EBF1: variants seen among roughly 807,000 people sequenced by gnomAD.
The protein encoded by EBF1 is EBF transcription factor 1, also known as transcription factor COE1.
In EBF1, 10 loss-of-function variants were observed where a neutral mutation model predicts 68.4. The ratio of observed to expected loss-of-function variants is 0.15; its 90% CI spans 0.09 to 0.25. The LOEUF (loss-of-function observed/expected upper bound fraction) is 0.25. Ranked by LOEUF, EBF1 falls within the 10% of genes least tolerant of loss-of-function variation. EBF1 has a pLI of 1.00. For synonymous variants in EBF1, 298 were observed against 299.8 expected (o/e 0.99, Z 0.06); for missense variants, 509 against 794.4 (o/e 0.64, Z 4.32).
In EBF1 at chr5:158,990,647, A is replaced by G. The variant is rs966707420; in HGVS notation, c.554+82749T>C. Among the ~76,000 whole-genome samples the G allele has an allele frequency of 6.6e-5, 10 of 152,330 alleles. No homozygotes were observed. The East Asian group carries it at 1.5e-3, about 23-fold the overall frequency. On this transcript the variant is annotated intron_variant, in intron 6 of 15. Transcript: ENST00000313708. ...TCCAGCCCCAATTCAAGTAAAAACCAGCTGTGTGACCAAGCAAGTCCCTTA... is the reference window on the plus strand; with the variant it reads ...TCCAGCCCCAATTCAAGTAAAAACCGGCTGTGTGACCAAGCAAGTCCCTTA...
At chr5:158,934,649 T>C (rs1325339177) in intron 6 of EBF1, among the ~76,000 whole-genome samples, 4 of 152,230 alleles carry the variant, frequency 2.6e-5, no homozygotes, top group Non-Finnish European at 2.9e-5. Flanking sequence ...AGTCCAAACA[T>C]TTTTCCTCTG....
At chr5:158,899,244 T>C (rs1347754392) in intron 6 of EBF1, among the ~76,000 whole-genome samples, 1 of 152,232 alleles carries the variant, frequency 6.6e-6, no homozygotes, top group African/African-American at 2.4e-5. Context: ...ATACCACCAC[T>C]GGCACTGAAA....
intron 10 of EBF1, among the ~76,000 whole-genome samples, chr5:158,770,844 C>T (rs1773733555): frequency 6.6e-6 from 1 of 152,150 alleles, no homozygotes; most frequent in East Asian, 1.9e-4. Context: ...ATCAAAAGCG[C>T]TGTTTCTTTC....
intron 8 of EBF1, among the ~76,000 whole-genome samples, chr5:158,821,383 T>G (rs1290248169): frequency 6.6e-6 from 1 of 152,188 alleles, no homozygotes; most frequent in East Asian, 1.9e-4. Flanking sequence ...CTATGTTTGC[T>G]TTTGGTTTTT....
At chr5:159,032,269 T>G (rs185775095) in intron 6 of EBF1, among the ~76,000 whole-genome samples, 1 of 152,346 alleles carries the variant, frequency 6.6e-6, no homozygotes, top group Non-Finnish European at 1.5e-5. Context: ...TTATCTCCGT[T>G]GTACAAATGT....
At chr5:158,823,149 G>A (rs1161096360) in intron 8 of EBF1, 27 bp downstream of exon 8, 2 of 1,613,604 alleles carry the variant, frequency 1.2e-6, no homozygotes, top group Admixed American at 1.7e-5. Context: ...AAGTAGCAAT[G>A]CCAACCAATG....
chr5:158,986,548 G>T (rs973049135), intron 6 of EBF1: 1 of 152,198 alleles, frequency 6.6e-6, no homozygotes, highest in Non-Finnish European at 1.5e-5. Context: ...TATAAAAGCA[G>T]CCAGATATAT....
chr5:158,701,905 G>A (rs1006579561), intron 15 of EBF1, among the ~76,000 whole-genome samples: 1 of 152,124 alleles, frequency 6.6e-6, no homozygotes, highest in African/African-American at 2.4e-5. Flanking sequence ...TTCAAAAGAG[G>A]TTGTGATGTC....
chr5:159,001,103 T>A (rs980298840), intron 6 of EBF1, among the ~76,000 whole-genome samples: 38 of 152,196 alleles, frequency 2.5e-4, no homozygotes, highest in African/African-American at 8.7e-4. Context: ...ATGAGAATAC[T>A]GTATTCTATT....
At chr5:158,712,406 G>A in intron 13 of EBF1, 73 bp from the exon 14 acceptor site, 1 of 1,548,460 alleles carries the variant, frequency 6.5e-7, no homozygotes, top group South Asian at 1.2e-5. Context: ...CTCGGGGAAA[G>A]GAAGGTCTCT....
At chr5:158,788,612 T>C (rs6874808) in intron 9 of EBF1, among the ~76,000 whole-genome samples, 12,757 of 152,158 alleles carry the variant, frequency 0.084, 600 homozygotes, top group South Asian at 0.11. Flanking sequence ...GCCAACCTAG[T>C]GATCAGCAAT....
chr5:159,056,588 A>C lies in EBF1; in HGVS notation c.554+16808T>G, dbSNP rs1248306482. 6.6e-5 allele frequency among the ~76,000 whole-genome samples: 10 copies of C among 152,208 alleles called. No individual in the cohort carries two copies. In the East Asian group the frequency reaches 1.9e-3, roughly 29 times the overall value. Reference sequence around the variant, plus strand: ...ATGTGTGACAAACCTCTTCGGGCTTAGGCAAAACTGTACACAAAAGTGGTT... The same window carrying C: ...ATGTGTGACAAACCTCTTCGGGCTTCGGCAAAACTGTACACAAAAGTGGTT... On this transcript the variant is annotated intron_variant, in intron 6 of 15. Coordinates refer to ENST00000313708, the MANE Select transcript of EBF1 (RefSeq NM_024007.5).
At chr5:158,978,302 G>T (rs1451566682) in intron 6 of EBF1, among the ~76,000 whole-genome samples, 1 of 152,256 alleles carries the variant, frequency 6.6e-6, no homozygotes, top group East Asian at 1.9e-4. Flanking sequence ...GGCCCTGTCA[G>T]TCAGGGGCCA....
In EBF1 at chr5:158,718,702, T is replaced by C. The variant is rs1761275203; in HGVS notation, c.1126-4520A>G. 3.9e-5 allele frequency among the ~76,000 whole-genome samples: 6 copies of C among 152,274 alleles called. No homozygotes were observed. In the South Asian group the frequency reaches 1.2e-3, roughly 32 times the overall value. On this transcript the variant is annotated intron_variant, in intron 11 of 15. Transcript: ENST00000313708. ...AGCATGGATTCAACCCCAGGCCTGT[T>C]AGACATCAGAGCCTGGCTCTTGAAA...
chr5:158,852,837 G>A (rs1306012154), intron 6 of EBF1, among the ~76,000 whole-genome samples: 3 of 152,120 alleles, frequency 2.0e-5, no homozygotes, highest in Non-Finnish European at 4.4e-5. Context: ...GTAGCTCACA[G>A]GTCACTCGCT....
intron 6 of EBF1, among the ~76,000 whole-genome samples, chr5:159,037,974 A>T (rs574355115): frequency 2.0e-4 from 30 of 152,048 alleles, no homozygotes; most frequent in Non-Finnish European, 4.3e-4. Context: ...AAATACCCAT[A>T]CCTAGGTTCG....
chr5:158,830,357 G>A (rs187634030), intron 7 of EBF1, among the ~76,000 whole-genome samples: 75 of 151,982 alleles, frequency 4.9e-4, no homozygotes, highest in Non-Finnish European at 9.4e-4. Context: ...AGCAACCTCT[G>A]CCACCCAGAT....
intron 6 of EBF1, among the ~76,000 whole-genome samples, chr5:159,070,396 G>A (rs1346486607): frequency 2.0e-5 from 3 of 152,132 alleles, no homozygotes; most frequent in African/African-American, 7.2e-5. Context: ...TATAATAGAA[G>A]CCCCTTTTCT....
intron 6 of EBF1, among the ~76,000 whole-genome samples, chr5:158,921,979 AAGAG>A (rs746394960): frequency 6.6e-6 from 1 of 152,166 alleles, no homozygotes; most frequent in South Asian, 2.1e-4. Context: ...AATCTTCTAA[AAGAG>A]AGAGAGAGAC....
Sources: gnomAD v4.1 joint callset for allele counts (sites outside exome capture counted in the v4.1 genomes callset) on GRCh38, gnomAD v4.1.1 for gene constraint, MANE v1.5 for transcripts, NCBI Gene and HGNC (gene_info 2026-07-23, HGNC 2026-07-21) for gene names.